The following CMIP variants were observed in gnomAD, a reference collection of about 807,000 sequenced individuals.
CMIP encodes C-Maf-inducing protein.
CMIP carries 13 observed loss-of-function variants against 97.3 expected under a neutral mutation model. That is an observed-to-expected ratio of 0.13 (90% CI 0.09 to 0.21). The LOEUF is 0.21. CMIP is among the 10% of genes least tolerant of loss of function. The pLI is 1.00. For synonymous variants in CMIP, 538 were observed against 436.3 expected (o/e 1.23, Z -2.91); for missense variants, 847 against 1,024.9 (o/e 0.83, Z 2.37).
chr16:81,560,304 C>T (rs904569549), intron 1 of CMIP, among the ~76,000 whole-genome samples: 120 of 151,468 alleles, frequency 7.9e-4, no homozygotes, highest in African/African-American at 2.7e-3. Context: ...CTGCAAGCTC[C>T]GCCTCCCGGG....
At chr16:81,553,569 C>G (rs1335635709) in intron 1 of CMIP, among the ~76,000 whole-genome samples, 4 of 152,208 alleles carry the variant, frequency 2.6e-5, no homozygotes, top group Non-Finnish European at 5.9e-5. Context: ...CGCCCTGTGG[C>G]TCCTTTCACC....
chr16:81,695,918 G>GAA (rs1906666847), intron 13 of CMIP: 1 of 75,718 alleles, frequency 1.3e-5, no homozygotes, highest in Non-Finnish European at 3.2e-5. Context: ...CAAAGAGGGG[G>GAA]AGAGAGAGAG....
At chr16:81,631,460 G>T (rs533728558) in intron 3 of CMIP, 1 of 152,190 alleles carries the variant, frequency 6.6e-6, no homozygotes, top group South Asian at 2.1e-4. Flanking sequence ...AATACATCTA[G>T]AAAAGGGTAC....
chr16:81,486,285 T>C (rs989867228), intron 1 of CMIP, among the ~76,000 whole-genome samples: 5 of 152,084 alleles, frequency 3.3e-5, no homozygotes, highest in East Asian at 1.9e-4. Context: ...GAGACAAACA[T>C]GCGCACTCTG....
intron 10 of CMIP, among the ~76,000 whole-genome samples, chr16:81,683,901 C>T (rs541196506): frequency 2.3e-4 from 34 of 150,296 alleles, no homozygotes; most frequent in African/African-American, 3.4e-4. Context: ...AGCTGGGATA[C>T]AGGCATCTAC....
intron 1 of CMIP, among the ~76,000 whole-genome samples, chr16:81,549,559 G>A (rs1368480292): frequency 6.6e-6 from 1 of 152,150 alleles, no homozygotes; most frequent in East Asian, 1.9e-4. Context: ...GGGGGCGGAG[G>A]ATATTGAAGA....
intron 3 of CMIP, among the ~76,000 whole-genome samples, chr16:81,644,782 T>G (rs534465304): frequency 1.1e-4 from 17 of 152,324 alleles, no homozygotes; most frequent in Admixed American, 7.8e-4. Context: ...ACATTGCACC[T>G]TGGTAGACCT....
At chr16:81,463,401 A>G (rs553521385) in intron 1 of CMIP, among the ~76,000 whole-genome samples, 30 of 152,332 alleles carry the variant, frequency 2.0e-4, no homozygotes, top group African/African-American at 7.2e-4. Flanking sequence ...TTGCATTTGC[A>G]TGTTCTAAAG....
intron 1 of CMIP, among the ~76,000 whole-genome samples, chr16:81,570,368 G>C (rs1314998810): frequency 6.6e-6 from 1 of 152,168 alleles, no homozygotes; most frequent in Non-Finnish European, 1.5e-5. Context: ...GGCCAGTGCT[G>C]TGCGGGGGAA....
intron 3 of CMIP, among the ~76,000 whole-genome samples, chr16:81,633,822 A>G (rs1029176908): frequency 6.6e-6 from 1 of 152,204 alleles, no homozygotes; most frequent in Non-Finnish European, 1.5e-5. Flanking sequence ...CCAGGAGTAC[A>G]AGGACCTTAG....
At chr16:81,580,845 G>T (rs1240375304) in intron 1 of CMIP, among the ~76,000 whole-genome samples, 1 of 152,050 alleles carries the variant, frequency 6.6e-6, no homozygotes, top group Non-Finnish European at 1.5e-5. Flanking sequence ...GCAAATTCGC[G>T]ATGTTGTGTA....
chr16:81,676,743 C>T (rs1185996256), intron 9 of CMIP, among the ~76,000 whole-genome samples: 1 of 152,226 alleles, frequency 6.6e-6, no homozygotes, highest in East Asian at 1.9e-4. Flanking sequence ...CATTCAGACC[C>T]TTGCTGTGCA....
intron 1 of CMIP, among the ~76,000 whole-genome samples, chr16:81,473,000 G>C (rs1191415942): frequency 6.6e-6 from 1 of 152,212 alleles, no homozygotes; most frequent in Non-Finnish European, 1.5e-5. Flanking sequence ...CTTGCATCCA[G>C]TGGGCCAAGC....
chr16:81,456,575 C>T (rs1361776029), intron 1 of CMIP, among the ~76,000 whole-genome samples: 1 of 152,214 alleles, frequency 6.6e-6, no homozygotes, highest in East Asian at 1.9e-4. Flanking sequence ...ATCTAATCCT[C>T]ACGATGCCCC....
At chr16:81,466,269 C>T (rs1907200981) in intron 1 of CMIP, among the ~76,000 whole-genome samples, 1 of 152,170 alleles carries the variant, frequency 6.6e-6, no homozygotes. Context: ...CCATCTTGTC[C>T]AGGCTGGTCT....
intron 1 of CMIP, among the ~76,000 whole-genome samples, chr16:81,513,883 T>C (rs1206203376): frequency 6.6e-6 from 1 of 152,174 alleles, no homozygotes; most frequent in African/African-American, 2.4e-5. Context: ...GCCCAAACCA[T>C]ATTTGCTGCG....
chr16:81,707,527 AG>A (rs1371513060), intron 20 of CMIP, among the ~76,000 whole-genome samples: 1 of 152,238 alleles, frequency 6.6e-6, no homozygotes, highest in Non-Finnish European at 1.5e-5. Flanking sequence ...TGCTTTTCAA[AG>A]CATGCTCTGG....
intron 3 of CMIP, among the ~76,000 whole-genome samples, chr16:81,629,951 T>C (rs1452199199): frequency 6.6e-6 from 1 of 152,262 alleles, no homozygotes; most frequent in Non-Finnish European, 1.5e-5. Flanking sequence ...TAGAAGTGGT[T>C]ACTGGGCCAG....
intron 19 of CMIP, among the ~76,000 whole-genome samples, 195 bp downstream of exon 19, chr16:81,705,799 T>G (rs9936604): frequency 6.6e-6 from 1 of 152,176 alleles, no homozygotes; most frequent in Admixed American, 6.5e-5. Context: ...GGGAAAAATA[T>G]CCCTAACCTC....
Sources: gnomAD v4.1 joint callset for allele counts (sites outside exome capture counted in the v4.1 genomes callset) on GRCh38, gnomAD v4.1.1 for gene constraint, MANE v1.5 for transcripts, NCBI Gene and HGNC (gene_info 2026-07-23, HGNC 2026-07-21) for gene names.